Variants in AGBL1 observed in about 807,000 individuals in gnomAD.
The protein encoded by AGBL1 is cytosolic carboxypeptidase 4.
Under a neutral mutation model 118.9 loss-of-function variants are expected in AGBL1, and 130 were observed. The observed-to-expected ratio is 1.09, with a 90% confidence interval of 0.95 to 1.26. The LOEUF is 1.26. Ranked by LOEUF, AGBL1 falls within the 50% of genes most tolerant of loss-of-function variation. The pLI is 0.00. For missense variants in AGBL1, 1,584 were observed against 1,298.1 expected (o/e 1.22, Z -3.38); for synonymous variants, 555 against 478.9 (o/e 1.16, Z -2.08).
intron 22 of AGBL1, among the ~76,000 whole-genome samples, chr15:86,870,785 T>C (rs1206890561): frequency 1.3e-5 from 2 of 152,158 alleles, no homozygotes; most frequent in Admixed American, 6.5e-5. Flanking sequence ...GTGCTGTCTA[T>C]ACTATAGGGG....
intron 1 of AGBL1, among the ~76,000 whole-genome samples, chr15:86,120,654 T>C (rs1362679928): frequency 6.6e-6 from 1 of 152,184 alleles, no homozygotes; most frequent in African/African-American, 2.4e-5. Flanking sequence ...TTCTCACTAA[T>C]TGTGGATCCC....
At chr15:86,853,376 G>A (rs987568436) in intron 22 of AGBL1, among the ~76,000 whole-genome samples, 9 of 152,160 alleles carry the variant, frequency 5.9e-5, no homozygotes, top group East Asian at 1.9e-4. Flanking sequence ...TTTATATCTC[G>A]ATTTCTAGTC....
chr15:86,941,114 A>G (rs1214881432), intron 23 of AGBL1, among the ~76,000 whole-genome samples: 1 of 152,250 alleles, frequency 6.6e-6, no homozygotes, highest in South Asian at 2.1e-4. Context: ...GAAGTAAAAA[A>G]CATGGTTCTA....
intron 24 of AGBL1, among the ~76,000 whole-genome samples, chr15:87,026,624 G>C (rs73450865): frequency 0.041 from 6,190 of 152,174 alleles, 412 homozygotes; most frequent in African/African-American, 0.14. Flanking sequence ...GCTATCATTT[G>C]ATCCAGCAAT....
At chr15:86,163,865 T>C (rs895803495) in intron 5 of AGBL1, among the ~76,000 whole-genome samples, 1 of 152,256 alleles carries the variant, frequency 6.6e-6, no homozygotes, top group Non-Finnish European at 1.5e-5. Flanking sequence ...CACTTCATAT[T>C]TGTTACCTTT....
chr15:86,637,009 C>CT (rs991522941), intron 21 of AGBL1, among the ~76,000 whole-genome samples: 3 of 151,742 alleles, frequency 2.0e-5, no homozygotes, highest in Non-Finnish European at 2.9e-5. Flanking sequence ...ATACAAGTAA[C>CT]TATCATAGAA....
At chr15:86,675,250 G>T (rs186258120) in intron 22 of AGBL1, among the ~76,000 whole-genome samples, 16 of 152,210 alleles carry the variant, frequency 1.1e-4, no homozygotes, top group Admixed American at 9.8e-4. Flanking sequence ...GCATCTGGTC[G>T]TGCACTTCAC....
At chr15:86,444,168 C>G (rs1241708464) in intron 18 of AGBL1, among the ~76,000 whole-genome samples, 3 of 152,164 alleles carry the variant, frequency 2.0e-5, no homozygotes, top group African/African-American at 7.2e-5. Context: ...AAGATGATAT[C>G]TCACTGTTTT....
chr15:86,135,861 G>A (rs2076882208), intron 1 of AGBL1, among the ~76,000 whole-genome samples: 1 of 152,154 alleles, frequency 6.6e-6, no homozygotes, highest in Non-Finnish European at 1.5e-5. Flanking sequence ...GTGATGTTTG[G>A]CCTTCTGAGG....
chr15:86,760,633 CTG>C (rs201332725), intron 22 of AGBL1, among the ~76,000 whole-genome samples: 311 of 152,210 alleles, frequency 2.0e-3, no homozygotes, highest in African/African-American at 7.1e-3. Context: ...GGTAAAGAAA[CTG>C]TTGCCTCCTG....
chr15:86,560,454 A>G (rs2083800788), intron 21 of AGBL1, among the ~76,000 whole-genome samples: 1 of 152,150 alleles, frequency 6.6e-6, no homozygotes, highest in Non-Finnish European at 1.5e-5. Context: ...CCATGTCCCT[A>G]CAAAGGACAT....
chr15:86,624,712 A>G (rs2084858327), intron 21 of AGBL1, among the ~76,000 whole-genome samples: 1 of 152,188 alleles, frequency 6.6e-6, no homozygotes, highest in Non-Finnish European at 1.5e-5. Flanking sequence ...TGCACTCTTT[A>G]TTAAGGGACA....
chr15:86,273,363 T>C (rs970959921), intron 15 of AGBL1, among the ~76,000 whole-genome samples: 2 of 152,206 alleles, frequency 1.3e-5, no homozygotes, highest in Non-Finnish European at 2.9e-5. Context: ...ATAATATAAT[T>C]CATTTTTCAT....
At chr15:86,084,331 G>T (rs1384947146) in intron 1 of AGBL1, among the ~76,000 whole-genome samples, 1 of 152,128 alleles carries the variant, frequency 6.6e-6, no homozygotes, top group East Asian at 1.9e-4. Flanking sequence ...ATTAGAGATT[G>T]GAGAAAATGA....
Position 86,344,803 on chromosome 15 carries a change from T to C in AGBL1, c.2374+49395T>C, listed in dbSNP as rs146785164. ...ATTAATGTTCTTATTACCTAAAATG[T>C]AGGCTCTTTCTGGAGCCCCAGAACC... On this transcript the variant is annotated intron_variant, in intron 17 of 22. Transcript: ENST00000614907. Among the ~76,000 whole-genome samples, 62 of 152,204 alleles carry C rather than the reference T, an allele frequency of 4.1e-4. No individual in the cohort carries two copies. The East Asian group carries it at 0.011, about 27-fold the overall frequency.
chr15:86,545,919 AC>A, intron 19 of AGBL1, 82 bp from the exon 20 acceptor site: 1 of 1,491,224 alleles, frequency 6.7e-7, no homozygotes, highest in Non-Finnish European at 9.1e-7. Context: ...GAGCCATGGA[AC>A]ATGAGTAGAT....
Position 86,386,413 on chromosome 15 carries a change from G to A in AGBL1, c.2375-10953G>A, listed in dbSNP as rs78471374. Among the ~76,000 whole-genome samples the A allele has an allele frequency of 9.2e-4, 137 of 149,664 alleles. 3 individuals carry two copies. In the East Asian group the frequency reaches 0.024, roughly 26 times the overall value. ...ATTATTTTTTGATTTTATGCTAGAC[G>A]AGGGGTGGATTATTTGTGAGTTTTC... On this transcript the variant is annotated intron_variant, in intron 17 of 22. Transcript: ENST00000614907.
chr15:86,631,940 G>A (rs58369832), intron 21 of AGBL1, among the ~76,000 whole-genome samples: 17,445 of 151,596 alleles, frequency 0.12, 1,137 homozygotes, highest in East Asian at 0.15. Flanking sequence ...TGTAATCCCA[G>A]CACTTTGAGA....
At chr15:87,021,430 G>A (rs1596750181) in intron 24 of AGBL1, among the ~76,000 whole-genome samples, 1 of 152,224 alleles carries the variant, frequency 6.6e-6, no homozygotes, top group East Asian at 1.9e-4. Flanking sequence ...TAGGAAATAG[G>A]CATGGGCAAA....
Sources: allele counts gnomAD v4.1 joint callset (sites outside exome capture counted in the v4.1 genomes callset), GRCh38; gene constraint gnomAD v4.1.1; transcripts MANE v1.5; gene names NCBI Gene and HGNC (gene_info 2026-07-23, HGNC 2026-07-21).